ABCB11: variants seen among roughly 807,000 people sequenced by gnomAD.
ABCB11 encodes bile salt export pump.
Under a neutral mutation model 148.0 loss-of-function variants are expected in ABCB11, and 95 were observed. The observed-to-expected ratio is 0.64, with a 90% CI of 0.54 to 0.76. ABCB11 has a LOEUF of 0.76. Among genes scored for constraint, ABCB11 ranks in the 30% least tolerant of loss-of-function variants. The probability of loss-of-function intolerance (pLI) is 0.00; values close to 1 mark genes in which losing one functional copy is unlikely to be tolerated. For synonymous variants in ABCB11, 591 were observed against 555.4 expected, an observed-to-expected ratio of 1.06 and a Z score of -0.90; for missense variants, 1,523 against 1,617.8, an observed-to-expected ratio of 0.94 and a Z score of 1.01.
chr2:168,984,118 G>A (rs1410855586), intron 10 of ABCB11, among the ~76,000 whole-genome samples: 1 of 152,108 alleles, frequency 6.6e-6, no homozygotes, highest in Non-Finnish European at 1.5e-5. Context: ...GAGTCCAGTT[G>A]CAACAAGAGA....
intron 21 of ABCB11, among the ~76,000 whole-genome samples, chr2:168,943,283 T>C (rs1692149839): frequency 6.6e-6 from 1 of 151,990 alleles, no homozygotes; most frequent in Admixed American, 6.6e-5. Flanking sequence ...ACAAAGTTTC[T>C]TTAAGCAGTT....
rs1175336714 is a variant in ABCB11, at chr2:168,970,143, T to G, written c.1711A>C (p.Arg571=). ...ATCTTGGGATTTCGGATGAGGGCTCTGGCGATAGCTACCCTTTGTTTCTGG... is the reference window on the plus strand; with the variant it reads ...ATCTTGGGATTTCGGATGAGGGCTCGGGCGATAGCTACCCTTTGTTTCTGG... ...GGQKQRVAIA[R]ALIRNPKILL... The change falls in exon 15 of 28, where the codon AGA becomes CGA. Residue 571 remains arginine (R), a synonymous_variant. Coordinates refer to ENST00000650372, the MANE Select transcript of ABCB11 (RefSeq NM_003742.4). 3 of 1,612,870 alleles carry G rather than the reference T, an allele frequency of 1.9e-6. No individual in the cohort carries two copies. Among genetic ancestry groups the G allele is most frequent in the Non-Finnish European group, 2.5e-6 (3 of 1,179,328 alleles).
rs375676504 is a variant in ABCB11 at position 169,013,266 on chromosome 2, A to G, written c.389+6T>C. On this transcript the variant is annotated splice_donor_region_variant and intron_variant, in intron 5 of 27. Coordinates refer to ENST00000650372, the MANE Select transcript of ABCB11 (RefSeq NM_003742.4). Reference sequence around the variant, plus strand: ...AAGTAAAAAATTAAAAACAAAAACAACCTACCCACAACGTGTTCCATTTGT... The same window carrying G: ...AAGTAAAAAATTAAAAACAAAAACAGCCTACCCACAACGTGTTCCATTTGT... The G allele has an allele frequency of 3.2e-5, 50 of 1,585,646 alleles. No homozygotes were observed. The highest frequency in any genetic ancestry group is 5.4e-5 in the African/African-American group (4 of 73,554).
At chr2:169,004,898 A>G (rs1340947513) in intron 5 of ABCB11, among the ~76,000 whole-genome samples, 1 of 151,976 alleles carries the variant, frequency 6.6e-6, no homozygotes, top group East Asian at 1.9e-4. Context: ...GGTAAGCTAA[A>G]CTGTAGTGAT....
chr2:169,014,213 C>A, intron 4 of ABCB11, 90 bp downstream of exon 4: 2 of 1,307,584 alleles, frequency 1.5e-6, no homozygotes, highest in Non-Finnish European at 2.2e-6. Context: ...TAAAAACCTG[C>A]CAATATGACT....
intron 17 of ABCB11, among the ~76,000 whole-genome samples, chr2:168,964,666 A>C (rs763937992): frequency 1.4e-4 from 21 of 151,828 alleles, no homozygotes; most frequent in Non-Finnish European, 7.4e-5. Context: ...CCTTGGCAAC[A>C]GTCTATTTCC....
At chr2:168,995,265 T>C (rs1156726265) in intron 7 of ABCB11, 84 bp downstream of exon 7, 1 of 1,449,488 alleles carries the variant, frequency 6.9e-7, no homozygotes, top group Non-Finnish European at 9.3e-7. Flanking sequence ...ACTGAAAATA[T>C]TTTTAAATTT....
Position 168,973,810 on chromosome 2 carries a change from G to C in ABCB11, c.1339C>G (p.Pro447Ala), listed in dbSNP as rs773299323. 6.2e-7 allele frequency: 1 copy of C among 1,611,958 alleles called. No homozygotes were observed. The highest frequency in any genetic ancestry group is 8.5e-7 in the Non-Finnish European group (1 of 1,178,574). The change falls in exon 13 of 28, where the codon CCA becomes GCA. Residue 447 changes from proline to alanine, a missense_variant. Coordinates refer to ENST00000650372, the MANE Select transcript of ABCB11 (RefSeq NM_003742.4). ...CCTACCAGAGCTGTCATTTCCCCTG[G>C]TTTAATGACCATGTTGAGGTCATTT... ...ILNDLNMVIKPGEMTALVGPS... is the reference protein window; with the variant it reads ...ILNDLNMVIKAGEMTALVGPS...
At chr2:168,974,212 A>C (rs1157389394) in intron 12 of ABCB11, among the ~76,000 whole-genome samples, 1 of 152,032 alleles carries the variant, frequency 6.6e-6, no homozygotes, top group African/African-American at 2.4e-5. Flanking sequence ...AAAGAAAAAA[A>C]ATCCATTAAG....
intron 1 of ABCB11, among the ~76,000 whole-genome samples, chr2:169,026,218 T>C (rs558397584): frequency 1.3e-5 from 2 of 152,352 alleles, no homozygotes; most frequent in African/African-American, 4.8e-5. Flanking sequence ...AGCTATGAAA[T>C]GGAACAGGGT....
chr2:168,934,435 AC>A (rs372471749), intron 23 of ABCB11, among the ~76,000 whole-genome samples: 1 of 152,234 alleles, frequency 6.6e-6, no homozygotes, highest in African/African-American at 2.4e-5. Context: ...GTTCCCCAGT[AC>A]CCTGACACCC....
In ABCB11 at chr2:168,923,329, GCA is replaced by G; in HGVS notation, c.*291_*292del. On this transcript the variant is annotated 3_prime_UTR_variant, in exon 28 of 28. Coordinates refer to ENST00000650372, the MANE Select transcript of ABCB11 (RefSeq NM_003742.4). ...CACATATTAATCAGGACTGGCTCCT[GCA>G]CAGAGAAGCACTGAGTGGTGGCTGA... 4.0e-6 allele frequency: 2 copies of G among 501,428 alleles called. No individual in the cohort carries two copies. Among genetic ancestry groups the G allele is most frequent in the Non-Finnish European group, 7.2e-6 (2 of 279,096 alleles). 31.1% of individuals were successfully genotyped at this position (501,428 alleles called of 1,614,324 possible).
chr2:168,928,348 A>T (rs1381050359), intron 25 of ABCB11, among the ~76,000 whole-genome samples: 2 of 152,182 alleles, frequency 1.3e-5, no homozygotes, highest in African/African-American at 2.4e-5. Context: ...GACATGCTTC[A>T]TGGTCCTTAG....
chr2:169,007,264 T>G (rs540509758), intron 5 of ABCB11, among the ~76,000 whole-genome samples: 3 of 152,158 alleles, frequency 2.0e-5, no homozygotes, highest in Non-Finnish European at 2.9e-5. Flanking sequence ...AAATAGTTGT[T>G]CCACAAATGA....
chr2:168,926,319 T>C lies in ABCB11; in HGVS notation c.3618+837A>G, dbSNP rs986677921. ...ACTTACCCACCACCCACGGTACACA[T>C]TGCCAAGTAATGAAATAATGATGAT... On this transcript the variant is annotated intron_variant, in intron 26 of 27. Coordinates refer to ENST00000650372, the MANE Select transcript of ABCB11 (RefSeq NM_003742.4). 1.2e-4 allele frequency among the ~76,000 whole-genome samples: 19 copies of C among 152,320 alleles called. 1 individual carries two copies. The highest frequency in any genetic ancestry group is 3.4e-3 in the Middle Eastern group (1 of 294).
chr2:168,996,432 A>T (rs1694715266), intron 6 of ABCB11, among the ~76,000 whole-genome samples: 1 of 151,810 alleles, frequency 6.6e-6, no homozygotes, highest in East Asian at 1.9e-4. Context: ...CGAGTCTATT[A>T]TGCATCTCTC....
chr2:169,000,147 A>AATTTGCT (rs1211487852), intron 5 of ABCB11, among the ~76,000 whole-genome samples: 4 of 152,014 alleles, frequency 2.6e-5, no homozygotes, highest in Admixed American at 2.6e-4. Flanking sequence ...TTTGAACTGA[A>AATTTGCT]ATTTGCTATT....
rs1691541147 is a variant in ABCB11, at chr2:168,930,881, A to G, written c.3214-19T>C. 1.3e-6 allele frequency: 2 copies of G among 1,565,858 alleles called. No individual in the cohort carries two copies. The highest frequency in any genetic ancestry group is 1.7e-6 in the Non-Finnish European group (2 of 1,153,982). ...AGTTGTCCTGTGGATGGGAGGATCA[A>G]AATTAGAGATGCTCTTACTGAAGCC... On this transcript the variant is annotated intron_variant, in intron 24 of 27. Coordinates refer to ENST00000650372, the MANE Select transcript of ABCB11 (RefSeq NM_003742.4).
intron 25 of ABCB11, among the ~76,000 whole-genome samples, chr2:168,927,684 C>T (rs974806076): frequency 6.6e-6 from 1 of 152,152 alleles, no homozygotes; most frequent in Non-Finnish European, 1.5e-5. Context: ...AGCACACTCT[C>T]TACAAATATA....
Sources: allele counts gnomAD v4.1 joint callset (sites outside exome capture counted in the v4.1 genomes callset), GRCh38; gene constraint gnomAD v4.1.1; transcripts MANE v1.5; gene names NCBI Gene and HGNC (gene_info 2026-07-23, HGNC 2026-07-21).